Variants in EXOC6B observed in about 807,000 individuals in gnomAD.
The protein encoded by EXOC6B is exocyst complex component 6B.
In EXOC6B, 54 loss-of-function variants were observed where a neutral mutation model predicts 113.5. That is an observed-to-expected ratio of 0.48 (90% confidence interval 0.38 to 0.60). EXOC6B has a LOEUF of 0.60. Among genes scored for constraint, EXOC6B ranks in the 20% least tolerant of loss-of-function variants. The pLI, the probability that EXOC6B is intolerant of heterozygous loss-of-function variation, is 0.00. For synonymous variants in EXOC6B, 357 were observed against 339.0 expected (o/e 1.05, Z -0.58); for missense variants, 797 against 977.5 (o/e 0.82, Z 2.46).
In EXOC6B at chr2:72,179,069, T is replaced by C. The variant is rs111502971; in HGVS notation, c.*266A>G. 53 of 386,594 alleles carry C rather than the reference T, an allele frequency of 1.4e-4. No individual in the cohort carries two copies. Among genetic ancestry groups the C allele is most frequent in the Admixed American group, 2.1e-4 (5 of 23,844 alleles). 23.9% of individuals were successfully genotyped at this position (386,594 alleles called of 1,614,324 possible). A position where few individuals can be genotyped will look rare whatever the true frequency, so the allele number is the denominator to read the frequency against. On this transcript the variant is annotated 3_prime_UTR_variant, in exon 22 of 22. Coordinates refer to ENST00000272427, the MANE Select transcript of EXOC6B (RefSeq NM_015189.3). ...TGAAAGGTGGTTCATCACTGTGGAA[T>C]TGATGATACCACCATCTCTAAGATA...
intron 8 of EXOC6B, among the ~76,000 whole-genome samples, chr2:72,518,036 A>G (rs1180047328): frequency 6.6e-6 from 1 of 152,102 alleles, no homozygotes; most frequent in African/African-American, 2.4e-5. Flanking sequence ...TCCCTCTGCC[A>G]ATTTTGTCAA....
chr2:72,374,141 A>G (rs551701930), intron 19 of EXOC6B, among the ~76,000 whole-genome samples: 1 of 152,298 alleles, frequency 6.6e-6, no homozygotes, highest in Non-Finnish European at 1.5e-5. Context: ...AAAAATAGAG[A>G]TATCATAAGA....
chr2:72,223,327 T>C (rs576386601), intron 20 of EXOC6B, among the ~76,000 whole-genome samples: 1 of 152,140 alleles, frequency 6.6e-6, no homozygotes, highest in African/African-American at 2.4e-5. Flanking sequence ...ACCACCAAGT[T>C]ATGAGTGCAG....
chr2:72,256,924 T>C (rs1348775892), intron 20 of EXOC6B, among the ~76,000 whole-genome samples: 1 of 151,648 alleles, frequency 6.6e-6, no homozygotes, highest in Non-Finnish European at 1.5e-5. Flanking sequence ...GGAGGCTGAA[T>C]GTAAAAGCAG....
chr2:72,782,139 C>CAAAAAAAAAA (rs374201314), intron 1 of EXOC6B, among the ~76,000 whole-genome samples: 2 of 65,280 alleles, frequency 3.1e-5, no homozygotes, highest in Non-Finnish European at 6.3e-5. Context: ...GACTCACTCT[C>CAAAAAAAAAA]AAAAAAAAAA....
In EXOC6B at chr2:72,777,459, C is replaced by A. The variant is rs560408165; in HGVS notation, c.114-35990G>T. Among the ~76,000 whole-genome samples, 23 of 152,034 alleles carry A rather than the reference C, an allele frequency of 1.5e-4. No individual in the cohort carries two copies. In the South Asian group the frequency reaches 4.2e-3, roughly 27 times the overall value. On this transcript the variant is annotated intron_variant, in intron 1 of 21. Coordinates refer to ENST00000272427, the MANE Select transcript of EXOC6B (RefSeq NM_015189.3). ...AGGAAAAAAACATTGAGCAAAAATT[C>A]ATTACCTGGCAAAACTATCCTCTGA...
chr2:72,291,762 G>T (rs1006984061), intron 20 of EXOC6B, among the ~76,000 whole-genome samples: 1 of 152,124 alleles, frequency 6.6e-6, no homozygotes, highest in African/African-American at 2.4e-5. Context: ...TAAAGACAAG[G>T]TACATCTACA....
At chr2:72,578,707 C>T (rs1705025192) in intron 6 of EXOC6B, among the ~76,000 whole-genome samples, 1 of 151,814 alleles carries the variant, frequency 6.6e-6, no homozygotes, top group African/African-American at 2.4e-5. Context: ...CATACTATTA[C>T]AGGAAGCAAA....
intron 18 of EXOC6B, among the ~76,000 whole-genome samples, chr2:72,388,790 A>G (rs529575315): frequency 9.2e-4 from 140 of 152,230 alleles, no homozygotes; most frequent in African/African-American, 3.2e-3. Context: ...TGACCCTTAT[A>G]TCATAATGAA....
chr2:72,601,143 TG>T (rs1670406672), intron 6 of EXOC6B, among the ~76,000 whole-genome samples: 1 of 149,580 alleles, frequency 6.7e-6, no homozygotes, highest in Admixed American at 6.7e-5. Flanking sequence ...TGTGTGTGTG[TG>T]TGTGTGTGTG....
chr2:72,348,818 G>A (rs1326846085), intron 19 of EXOC6B, among the ~76,000 whole-genome samples: 1 of 152,090 alleles, frequency 6.6e-6, no homozygotes, highest in African/African-American at 2.4e-5. Context: ...GTGGAGGTAT[G>A]GCATACATCA....
chr2:72,456,362 G>C (rs1697233014), intron 18 of EXOC6B, among the ~76,000 whole-genome samples: 1 of 152,034 alleles, frequency 6.6e-6, no homozygotes, highest in Admixed American at 6.6e-5. Flanking sequence ...ACTCAAAAAT[G>C]ATTGTCAATG....
intron 20 of EXOC6B, among the ~76,000 whole-genome samples, chr2:72,277,841 T>G (rs1387919559): frequency 8.5e-6 from 1 of 118,282 alleles, no homozygotes; most frequent in Non-Finnish European, 1.6e-5. Flanking sequence ...AAATTAATTA[T>G]ACCCCATTTT....
At chr2:72,532,804 T>C (rs1702081840) in intron 8 of EXOC6B, among the ~76,000 whole-genome samples, 1 of 151,800 alleles carries the variant, frequency 6.6e-6, no homozygotes, top group Non-Finnish European at 1.5e-5. Flanking sequence ...CGAGACTCCA[T>C]CTCAAACAAC....
chr2:72,613,087 T>C (rs1472110152), intron 6 of EXOC6B, among the ~76,000 whole-genome samples: 1 of 152,204 alleles, frequency 6.6e-6, no homozygotes, highest in Non-Finnish European at 1.5e-5. Flanking sequence ...GATATTTTAA[T>C]GATGATAAAA....
chr2:72,492,278 C>T (rs1699778875), intron 16 of EXOC6B, 40 bp downstream of exon 16: 1 of 1,264,266 alleles, frequency 7.9e-7, no homozygotes, highest in African/African-American at 1.5e-5. Context: ...GACATCTGTT[C>T]ACATACTGGC....
rs1387803623 is a variant in EXOC6B at position 72,176,398 on chromosome 2, G to A, written c.*2937C>T. The A allele has an allele frequency of 6.6e-6, 1 of 152,322 alleles. No individual in the cohort carries two copies. Among genetic ancestry groups the A allele is most frequent in the African/African-American group, 2.4e-5 (1 of 41,454 alleles). 9.4% of individuals were successfully genotyped at this position (152,322 alleles called of 1,614,324 possible). ...TAGAGAGTGTGCTCAGAGGCCTGATGAGGAAGGTCATGGCCAAAGCCAGTC... is the reference window on the plus strand; with the variant it reads ...TAGAGAGTGTGCTCAGAGGCCTGATAAGGAAGGTCATGGCCAAAGCCAGTC... On this transcript the variant is annotated 3_prime_UTR_variant, in exon 22 of 22. Transcript: ENST00000272427.
At chr2:72,241,954 C>G (rs1231539986) in intron 20 of EXOC6B, among the ~76,000 whole-genome samples, 1 of 152,110 alleles carries the variant, frequency 6.6e-6, no homozygotes, top group Non-Finnish European at 1.5e-5. Flanking sequence ...CACCTGTAAT[C>G]CCAGCACTTT....
At chr2:72,744,450 A>G (rs1259787899) in intron 1 of EXOC6B, among the ~76,000 whole-genome samples, 6 of 152,340 alleles carry the variant, frequency 3.9e-5, no homozygotes, top group Non-Finnish European at 7.4e-5. Context: ...TGTTTGGAAT[A>G]CATAAGAGAA....
Sources: allele counts gnomAD v4.1 joint callset (sites outside exome capture counted in the v4.1 genomes callset), GRCh38; gene constraint gnomAD v4.1.1; transcripts MANE v1.5; gene names NCBI Gene and HGNC (gene_info 2026-07-23, HGNC 2026-07-21).